DYM: variants seen among roughly 807,000 people sequenced by gnomAD.
The protein encoded by DYM is dyggve-Melchior-Clausen syndrome protein.
In DYM, 78 loss-of-function variants were observed where a neutral mutation model predicts 93.1. The observed-to-expected ratio is 0.84, with a 90% CI of 0.70 to 1.01. DYM has a LOEUF of 1.01. Ranked by LOEUF, DYM falls within the 50% of genes least tolerant of loss-of-function variation. DYM has a pLI of 0.00. For missense variants in DYM, 789 were observed against 845.0 expected (o/e 0.93, Z 0.82); for synonymous variants, 321 against 319.7 (o/e 1.00, Z -0.04).
At chr18:49,413,136 T>C (rs2072475418) in intron 2 of DYM, 1 of 152,238 alleles carries the variant, frequency 6.6e-6, no homozygotes, top group Non-Finnish European at 1.5e-5. Flanking sequence ...TGAAACTGGG[T>C]CTCAGATTAG....
At chr18:49,366,741 C>T (rs1442487971) in intron 5 of DYM, among the ~76,000 whole-genome samples, 1 of 152,180 alleles carries the variant, frequency 6.6e-6, no homozygotes, top group Non-Finnish European at 1.5e-5. Flanking sequence ...ATATTAACAG[C>T]AAACATTTAC....
Position 49,422,299 on chromosome 18 carries a change from C to T in DYM, c.140+7956G>A, listed in dbSNP as rs1269314999. Among the ~76,000 whole-genome samples the T allele has an allele frequency of 5.3e-5, 8 of 152,270 alleles. No homozygotes were observed. The South Asian group carries it at 1.7e-3, about 32-fold the overall frequency. ...AAAGGGAAGCCCATCAGACTAACAG[C>T]GGATCTCTCGGCAGAAACTCTACAA... On this transcript the variant is annotated intron_variant, in intron 2 of 17. Transcript: ENST00000675505.
At chr18:49,199,038 C>G (rs1018184312) in intron 14 of DYM, among the ~76,000 whole-genome samples, 1 of 152,198 alleles carries the variant, frequency 6.6e-6, no homozygotes, top group African/African-American at 2.4e-5. Context: ...CCATGGAATA[C>G]TATGTGGCCA....
intron 3 of DYM, among the ~76,000 whole-genome samples, chr18:49,390,048 T>G (rs112727809): frequency 0.011 from 1,656 of 152,300 alleles, 30 homozygotes; most frequent in African/African-American, 0.038. Context: ...AGCAAAAAAT[T>G]CCCTAAGCTA....
chr18:49,080,580 C>T (rs1293377091), intron 17 of DYM, among the ~76,000 whole-genome samples: 2 of 128,456 alleles, frequency 1.6e-5, no homozygotes, highest in Non-Finnish European at 1.7e-5. Flanking sequence ...GGCGGCTGGC[C>T]GGGCGGGGGC....
At chr18:49,228,579 G>T (rs911083638) in intron 13 of DYM, among the ~76,000 whole-genome samples, 5 of 152,012 alleles carry the variant, frequency 3.3e-5, no homozygotes, top group Non-Finnish European at 7.4e-5. Context: ...TCTCACAGTT[G>T]GCCAAACTGA....
At chr18:49,456,258 T>A (rs2148744592) in intron 1 of DYM, among the ~76,000 whole-genome samples, 1 of 152,342 alleles carries the variant, frequency 6.6e-6, no homozygotes, top group East Asian at 1.9e-4. Flanking sequence ...CAGCCTTTAA[T>A]CGTCCACCTC....
intron 8 of DYM, among the ~76,000 whole-genome samples, chr18:49,325,804 C>A (rs2062837433): frequency 6.6e-6 from 1 of 152,130 alleles, no homozygotes; most frequent in Non-Finnish European, 1.5e-5. Context: ...TAGAGTACTG[C>A]ACTCATTGTC....
At chr18:49,298,051 T>C (rs1050092712) in intron 8 of DYM, among the ~76,000 whole-genome samples, 2 of 152,204 alleles carry the variant, frequency 1.3e-5, no homozygotes, top group Admixed American at 6.5e-5. Flanking sequence ...CCTTTTTACA[T>C]GTATTTACAC....
intron 15 of DYM, among the ~76,000 whole-genome samples, chr18:49,147,008 A>G (rs1303226562): frequency 6.6e-6 from 1 of 152,200 alleles, no homozygotes; most frequent in Non-Finnish European, 1.5e-5. Flanking sequence ...ACATAGACCA[A>G]TGGAACAGAA....
chr18:49,317,627 C>CTCCTCTCCTCTCCTCT (rs573051080), intron 8 of DYM, among the ~76,000 whole-genome samples: 1 of 24,400 alleles, frequency 4.1e-5, no homozygotes, highest in Non-Finnish European at 8.2e-5. Flanking sequence ...CTCCCTCCCT[C>CTCCTCTCCTCTCCTCT]CCTCTCCTAT....
chr18:49,320,832 T>C (rs1349050398), intron 8 of DYM, among the ~76,000 whole-genome samples: 2 of 152,156 alleles, frequency 1.3e-5, no homozygotes, highest in African/African-American at 4.8e-5. Context: ...TCGAAAAAAA[T>C]ATTTATGTAA....
intron 1 of DYM, among the ~76,000 whole-genome samples, chr18:49,431,313 G>C (rs2080300132): frequency 6.6e-6 from 1 of 152,170 alleles, no homozygotes; most frequent in African/African-American, 2.4e-5. Flanking sequence ...CCTAAACCAT[G>C]CACATTTTTA....
At chr18:49,288,896 T>C (rs1233902019) in intron 8 of DYM, among the ~76,000 whole-genome samples, 1 of 152,126 alleles carries the variant, frequency 6.6e-6, no homozygotes, top group African/African-American at 2.4e-5. Flanking sequence ...TATTTTGTAA[T>C]ACAGTGTAAA....
intron 15 of DYM, among the ~76,000 whole-genome samples, chr18:49,149,739 GCT>G (rs2085606171): frequency 8.8e-6 from 1 of 113,870 alleles, no homozygotes; most frequent in Non-Finnish European, 1.6e-5. Context: ...ATGGAATCTC[GCT>G]CTGTCACCAG....
chr18:49,451,942 A>G (rs552500249), intron 1 of DYM, among the ~76,000 whole-genome samples: 1 of 152,344 alleles, frequency 6.6e-6, no homozygotes, highest in Non-Finnish European at 1.5e-5. Context: ...TAACACAAAA[A>G]TCTGGATACC....
intron 14 of DYM, among the ~76,000 whole-genome samples, chr18:49,195,534 A>G (rs2091356864): frequency 6.6e-6 from 1 of 152,198 alleles, no homozygotes; most frequent in Non-Finnish European, 1.5e-5. Context: ...TTCATTAACC[A>G]GCCTCTCCCT....
chr18:49,126,066 A>G (rs943934442), intron 15 of DYM: 1 of 152,258 alleles, frequency 6.6e-6, no homozygotes, highest in East Asian at 1.9e-4. Context: ...ATTAAGATAC[A>G]TAAGTATTTA....
At chr18:49,293,460 C>G (rs557804823) in intron 8 of DYM, among the ~76,000 whole-genome samples, 1 of 152,274 alleles carries the variant, frequency 6.6e-6, no homozygotes, top group East Asian at 1.9e-4. Context: ...AAAAGCATTC[C>G]TATTTCTCCA....
Sources: gnomAD v4.1 joint callset for allele counts (sites outside exome capture counted in the v4.1 genomes callset) on GRCh38, gnomAD v4.1.1 for gene constraint, MANE v1.5 for transcripts, NCBI Gene and HGNC (gene_info 2026-07-23, HGNC 2026-07-21) for gene names.